Variants in USP42 observed in about 807,000 individuals in gnomAD.
USP42 encodes the protein ubiquitin carboxyl-terminal hydrolase 42.
In USP42, 23 loss-of-function variants were observed where a neutral mutation model predicts 113.0. The ratio of observed to expected loss-of-function variants is 0.20; its 90% CI spans 0.15 to 0.29. The LOEUF (loss-of-function observed/expected upper bound fraction) is 0.29, where lower values mean the gene tolerates loss of function less well. Among genes scored for constraint, USP42 ranks in the 10% least tolerant of loss-of-function variants. USP42 has a pLI of 1.00. For synonymous variants in USP42, 933 were observed against 699.0 expected (o/e 1.33, Z -5.28); for missense variants, 2,174 against 1,779.8 (o/e 1.22, Z -3.99).
the USP42 span, among the ~76,000 whole-genome samples, chr7:6,092,055 T>TCC: frequency 2.1e-5 from 1 of 47,448 alleles, no homozygotes; most frequent in Non-Finnish European, 4.7e-5. Context: ...TTCTTCTTCT[T>TCC]TCTTCTTCTT....
intron 3 of USP42, among the ~76,000 whole-genome samples, chr7:6,119,337 G>A (rs1268688992): frequency 6.6e-6 from 1 of 152,150 alleles, no homozygotes; most frequent in Non-Finnish European, 1.5e-5. Flanking sequence ...CTCTGGGTGT[G>A]GCGGCAAGCG....
At chr7:6,109,700 C>CTTTT (rs34684085) in intron 1 of USP42, among the ~76,000 whole-genome samples, 1 of 125,616 alleles carries the variant, frequency 8.0e-6, no homozygotes, top group Non-Finnish European at 1.7e-5. Context: ...CCCGCCCGGC[C>CTTTT]TTTTTTTTTT....
intron 1 of USP42, among the ~76,000 whole-genome samples, chr7:6,105,436 C>T (rs1779218926): frequency 6.7e-6 from 1 of 149,436 alleles, no homozygotes; most frequent in South Asian, 2.1e-4. Flanking sequence ...CGTGTGCTGG[C>T]CGCTGACCGC....
At chr7:6,086,117 C>T in the USP42 span, among the ~76,000 whole-genome samples, 1 of 150,014 alleles carries the variant, frequency 6.7e-6, no homozygotes, top group Admixed American at 6.6e-5. Context: ...CTCATTGCAA[C>T]CTTCGCCTCA....
chr7:6,111,211 C>T lies in USP42; in HGVS notation c.78C>T (p.Val26=). The part of the protein sequence containing the change: ...YQNQPGSSEA[V]SPGDMDAGSA... ...ATCAGCCTGGCAGCTCCGAGGCAGT[C>T]TCACCTGGAGACATGGATGCAGGTT... is the stretch of plus-strand genomic sequence containing the variant. The change falls in exon 2 of 18, where the codon GTC becomes GTT. Residue 26 remains valine, a synonymous_variant. Coordinates refer to ENST00000306177, the MANE Select transcript of USP42 (RefSeq NM_032172.3). 6.2e-7 allele frequency: 1 copy of T among 1,611,172 alleles called. No individual in the cohort carries two copies. The highest frequency in any genetic ancestry group is 8.5e-7 in the Non-Finnish European group (1 of 1,178,504).
In USP42 at chr7:6,147,786, G is replaced by A. The variant is rs111276314; in HGVS notation, c.1280G>A (p.Ser427Asn). ...NGGELTHPTHSPGQSSPRPVI... is the reference protein window; with the variant it reads ...NGGELTHPTHNPGQSSPRPVI... Reference sequence around the variant, plus strand: ...GGTGAACTTACTCATCCCACCCATAGCCCCGGCCAGTCCTCTCCCCGCCCC... The same window carrying A: ...GGTGAACTTACTCATCCCACCCATAACCCCGGCCAGTCCTCTCCCCGCCCC... The change falls in exon 12 of 18, where the codon AGC becomes AAC. Residue 427 changes from serine to asparagine, a missense_variant. Physicochemically the swap from Ser to Asn is conservative, Grantham distance 46. Coordinates refer to ENST00000306177, the MANE Select transcript of USP42 (RefSeq NM_032172.3). 6 of 1,609,812 alleles carry A rather than the reference G, an allele frequency of 3.7e-6. No individual in the cohort carries two copies. In the African/African-American group the frequency reaches 5.3e-5, roughly 14 times the overall value.
At chr7:6,113,063 C>A (rs1052314942) in intron 2 of USP42, among the ~76,000 whole-genome samples, 1 of 151,826 alleles carries the variant, frequency 6.6e-6, no homozygotes, top group African/African-American at 2.4e-5. Context: ...GCCACCATGC[C>A]CAGCTACATT....
At chr7:6,146,336 TTAAA>T in intron 11 of USP42, 88 bp downstream of exon 11, 3 of 781,828 alleles carry the variant, frequency 3.8e-6, no homozygotes, top group Non-Finnish European at 1.9e-6. Flanking sequence ...ATTCAGTGTT[TTAAA>T]AAAAAAAAAA....
the USP42 span, among the ~76,000 whole-genome samples, chr7:6,092,029 CTT>C: frequency 9.1e-6 from 1 of 110,270 alleles, no homozygotes; most frequent in Admixed American, 1.0e-4. Flanking sequence ...TCTTCTTCTT[CTT>C]CTTCTTCTTC....
chr7:6,095,874 T>G, the USP42 span, among the ~76,000 whole-genome samples: 1 of 151,096 alleles, frequency 6.6e-6, no homozygotes, highest in East Asian at 1.9e-4. Context: ...GCAATCCTCC[T>G]GCCTCAGCCT....
chr7:6,154,498 C>G lies in USP42; in HGVS notation c.2944C>G (p.Arg982Gly). ...TGAGGGCCACCGTCACCGGCGGCGC[C>G]GCACCTGCCCCCGGGAGCGCGACCG... Reference protein sequence around the residue: ...KTEGHRHRRRRTCPRERDRQD... With the variant: ...KTEGHRHRRRGTCPRERDRQD... The change falls in exon 15 of 18, where the codon CGC becomes GGC. Residue 982 changes from arginine (R) to glycine (G), a missense_variant. Coordinates refer to ENST00000306177, the MANE Select transcript of USP42 (RefSeq NM_032172.3). 6.5e-7 allele frequency: 1 copy of G among 1,544,132 alleles called. No individual in the cohort carries two copies. The highest frequency in any genetic ancestry group is 8.7e-7 in the Non-Finnish European group (1 of 1,144,670).
Position 6,150,182 on chromosome 7 carries a change from T to C in USP42, c.1986T>C (p.Ser662=). The C allele has an allele frequency of 3.1e-6, 5 of 1,613,932 alleles. No individual in the cohort carries two copies. The highest frequency in any genetic ancestry group is 4.2e-6 in the Non-Finnish European group (5 of 1,179,880). ...CCATGACCCTAAACGGTGCTAATAG[T>C]GCAGACAGCGACAGTGACCCGAAAG... The part of the protein sequence containing the change: ...QEPMTLNGAN[S]ADSDSDPKEN... Residue 662 remains serine, a synonymous_variant, in exon 13 of 18, where the codon AGT becomes AGC. Coordinates refer to ENST00000306177, the MANE Select transcript of USP42 (RefSeq NM_032172.3).
At chr7:6,092,057 C>CTTCT in the USP42 span, among the ~76,000 whole-genome samples, 1 of 56,636 alleles carries the variant, frequency 1.8e-5, no homozygotes, top group Non-Finnish European at 3.6e-5. Context: ...CTTCTTCTTT[C>CTTCT]TTCTTCTTCT....
the USP42 span, chr7:6,081,604 G>A: frequency 6.6e-6 from 1 of 152,426 alleles, no homozygotes; most frequent in South Asian, 2.1e-4. Flanking sequence ...CTTTCCGACT[G>A]GGCAGGCGGG....
intron 15 of USP42, 105 bp downstream of exon 15, chr7:6,155,300 T>C (rs896021602): frequency 7.0e-6 from 10 of 1,426,360 alleles, no homozygotes; most frequent in African/African-American, 4.3e-5. Context: ...CAGGCCACAG[T>C]TGTATCCGTC....
At chr7:6,132,329 A>G (rs1395805965) in intron 3 of USP42, among the ~76,000 whole-genome samples, 1 of 152,052 alleles carries the variant, frequency 6.6e-6, no homozygotes, top group Non-Finnish European at 1.5e-5. Flanking sequence ...TCCTATATAC[A>G]TAATGATTTT....
intron 1 of USP42, among the ~76,000 whole-genome samples, chr7:6,110,166 T>A (rs1424593838): frequency 6.6e-6 from 1 of 152,112 alleles, no homozygotes; most frequent in Admixed American, 6.6e-5. Context: ...GAGTGGCATG[T>A]CTAGATGTGG....
At chr7:6,100,776 C>T (rs139816001), upstream of USP42, among the ~76,000 whole-genome samples, 52 of 148,952 alleles carry the variant, frequency 3.5e-4, 5 homozygotes, top group African/African-American at 1.3e-3. Context: ...CAGCAATTCT[C>T]CTGCCTCAGC....
intron 1 of USP42, among the ~76,000 whole-genome samples, chr7:6,106,989 T>C (rs1036996792): frequency 2.0e-5 from 3 of 152,252 alleles, no homozygotes; most frequent in Non-Finnish European, 4.4e-5. Context: ...CATGCAAGTA[T>C]ATGAATCTTA....
Sources: allele counts gnomAD v4.1 joint callset (sites outside exome capture counted in the v4.1 genomes callset), GRCh38; gene constraint gnomAD v4.1.1; transcripts MANE v1.5; gene names NCBI Gene and HGNC (gene_info 2026-07-23, HGNC 2026-07-21).